Variants in DEUP1 observed in about 807,000 individuals in gnomAD.
The protein encoded by DEUP1 is deuterosome assembly protein 1.
A neutral mutation model predicts 87.4 loss-of-function variants in DEUP1; 82 were observed. The observed-to-expected ratio is 0.94, with a 90% CI of 0.78 to 1.13. DEUP1 has a LOEUF of 1.13. DEUP1 is among the 50% of genes most tolerant of loss of function. The pLI is 0.00. For synonymous variants in DEUP1, 214 were observed against 222.7 expected, an observed-to-expected ratio of 0.96 and a Z score of 0.35; for missense variants, 663 against 681.5, an observed-to-expected ratio of 0.97 and a Z score of 0.30.
chr11:93,391,842 A>G (rs892250055), intron 9 of DEUP1, among the ~76,000 whole-genome samples: 1 of 152,230 alleles, frequency 6.6e-6, no homozygotes, highest in Non-Finnish European at 1.5e-5. Context: ...ATTGGAAGGT[A>G]AAAACTTGGA....
chr11:93,366,545 A>G (rs1186789487), intron 5 of DEUP1, among the ~76,000 whole-genome samples: 2 of 152,282 alleles, frequency 1.3e-5, no homozygotes, highest in East Asian at 1.9e-4. Context: ...AAAAACCCTT[A>G]TGAAGCTCTC....
intron 2 of DEUP1, among the ~76,000 whole-genome samples, chr11:93,342,443 A>G (rs143168835): frequency 4.0e-4 from 61 of 152,356 alleles, no homozygotes; most frequent in Admixed American, 7.2e-4. Context: ...CTGCAAGAGA[A>G]GGCACTGAGG....
intron 2 of DEUP1, among the ~76,000 whole-genome samples, chr11:93,349,945 G>A (rs1033646817): frequency 6.6e-6 from 1 of 152,182 alleles, no homozygotes; most frequent in South Asian, 2.1e-4. Context: ...GGGTTCAGGT[G>A]TGCCCTCATT....
At chr11:93,410,292 T>C (rs924624889) in intron 12 of DEUP1, among the ~76,000 whole-genome samples, 1 of 152,050 alleles carries the variant, frequency 6.6e-6, no homozygotes, top group Non-Finnish European at 1.5e-5. Context: ...GGTGGGGTGT[T>C]GGTAGTGACA....
intron 7 of DEUP1, among the ~76,000 whole-genome samples, chr11:93,382,136 A>C (rs547386873): frequency 6.6e-6 from 1 of 152,328 alleles, no homozygotes; most frequent in East Asian, 1.9e-4. Context: ...CAATATTTGC[A>C]CCCACATTCA....
chr11:93,397,986 G>T (rs1946990423), intron 11 of DEUP1, among the ~76,000 whole-genome samples: 1 of 151,878 alleles, frequency 6.6e-6, no homozygotes, highest in South Asian at 2.1e-4. Context: ...CTTTGTTGTT[G>T]CTGCTTGCTT....
At chr11:93,346,871 A>G (rs1944375480) in intron 2 of DEUP1, among the ~76,000 whole-genome samples, 1 of 152,126 alleles carries the variant, frequency 6.6e-6, no homozygotes, top group Admixed American at 6.5e-5. Context: ...TAGGAATGCT[A>G]GTGACTTTTG....
At chr11:93,398,570 ATAAAG>A (rs1947012179) in intron 11 of DEUP1, among the ~76,000 whole-genome samples, 1 of 152,168 alleles carries the variant, frequency 6.6e-6, no homozygotes, top group East Asian at 1.9e-4. Context: ...TCTGATGGTT[ATAAAG>A]TAATTTCTCA....
At chr11:93,417,812 G>A (rs1205802475) in intron 13 of DEUP1, among the ~76,000 whole-genome samples, 7 of 152,028 alleles carry the variant, frequency 4.6e-5, no homozygotes, top group African/African-American at 1.5e-4. Flanking sequence ...AAAACAGCAT[G>A]GTACTGGTAC....
chr11:93,340,826 A>G (rs1944031374), intron 2 of DEUP1, among the ~76,000 whole-genome samples: 1 of 152,210 alleles, frequency 6.6e-6, no homozygotes, highest in South Asian at 2.1e-4. Flanking sequence ...TTAAATAAGG[A>G]AGACTGGAGA....
intron 7 of DEUP1, among the ~76,000 whole-genome samples, chr11:93,384,631 T>G (rs1347468988): frequency 6.6e-6 from 1 of 152,232 alleles, no homozygotes; most frequent in Admixed American, 6.5e-5. Context: ...TAGCTGCCAT[T>G]GGGCAAGGGT....
At chr11:93,382,547 C>T (rs1180401377) in intron 7 of DEUP1, among the ~76,000 whole-genome samples, 1 of 152,078 alleles carries the variant, frequency 6.6e-6, no homozygotes, top group Non-Finnish European at 1.5e-5. Context: ...TCTATTATTA[C>T]CATATTTTAC....
chr11:93,355,081 A>T (rs1944832360), intron 2 of DEUP1, among the ~76,000 whole-genome samples: 2 of 152,208 alleles, frequency 1.3e-5, no homozygotes, highest in South Asian at 4.1e-4. Flanking sequence ...TATATGGAAG[A>T]GCATTGATCC....
At chr11:93,345,642 G>A (rs1032562764) in intron 2 of DEUP1, among the ~76,000 whole-genome samples, 7 of 152,096 alleles carry the variant, frequency 4.6e-5, no homozygotes, top group Admixed American at 2.0e-4. Context: ...ATGTTTGTTA[G>A]CTGCATGTAT....
chr11:93,356,780 G>T (rs1251271446), intron 3 of DEUP1, among the ~76,000 whole-genome samples, 168 bp from the exon 4 acceptor site: 2 of 152,086 alleles, frequency 1.3e-5, no homozygotes, highest in African/African-American at 4.8e-5. Context: ...GCAATGTTTG[G>T]TTTTTGTGAA....
intron 12 of DEUP1, among the ~76,000 whole-genome samples, chr11:93,410,393 A>C (rs1947401381): frequency 6.6e-6 from 1 of 152,198 alleles, no homozygotes; most frequent in African/African-American, 2.4e-5. Flanking sequence ...GTCCATGTGA[A>C]GATCTGTCCA....
At chr11:93,407,337 T>C (rs978961897) in intron 11 of DEUP1, among the ~76,000 whole-genome samples, 5 of 152,166 alleles carry the variant, frequency 3.3e-5, no homozygotes, top group African/African-American at 1.2e-4. Context: ...AACAATAGGC[T>C]TTACCTTACA....
chr11:93,364,259 C>T lies in DEUP1; in HGVS notation c.397C>T (p.Pro133Ser), dbSNP rs755668855. 1.2e-6 allele frequency: 2 copies of T among 1,610,048 alleles called. No homozygotes were observed. The highest frequency in any genetic ancestry group is 1.7e-4 in the Middle Eastern group (1 of 6,034). ...KELPHLKEEI[P>S]FELSNLNQKL... ...ATTACCACACCTTAAAGAAGAAATA[C>T]CCTTTGAACTGAGCAATTTGAACCA... Residue 133 changes from proline to serine, a missense_variant, in exon 5 of 14, where the codon CCC becomes TCC. Pro to Ser is a moderately conservative substitution (Grantham distance 74). Transcript: ENST00000298050.
intron 13 of DEUP1, among the ~76,000 whole-genome samples, chr11:93,416,807 A>G (rs1158125679): frequency 2.0e-5 from 3 of 151,748 alleles, no homozygotes; most frequent in Non-Finnish European, 4.4e-5. Context: ...CAAATCCAGC[A>G]GCACATCAAA....
Sources: gnomAD v4.1 joint callset for allele counts (sites outside exome capture counted in the v4.1 genomes callset) on GRCh38, gnomAD v4.1.1 for gene constraint, MANE v1.5 for transcripts, NCBI Gene and HGNC (gene_info 2026-07-23, HGNC 2026-07-21) for gene names.